MBD2: variants seen among roughly 807,000 people sequenced by gnomAD.
MBD2 encodes the protein methyl-CpG-binding domain protein 2.
In MBD2, 9 loss-of-function variants were observed where a neutral mutation model predicts 39.3. The ratio of observed to expected loss-of-function variants is 0.23; its 90% CI spans 0.14 to 0.40. The LOEUF (loss-of-function observed/expected upper bound fraction) is 0.40, where lower values mean the gene tolerates loss of function less well. Ranked by LOEUF, MBD2 falls within the 10% of genes least tolerant of loss-of-function variation. The pLI is 1.00. For missense variants in MBD2, 458 were observed against 532.6 expected, an observed-to-expected ratio of 0.86 and a Z score of 1.38; for synonymous variants, 233 against 211.1, an observed-to-expected ratio of 1.10 and a Z score of -0.90.
intron 5 of MBD2, among the ~76,000 whole-genome samples, chr18:54,160,827 G>T (rs62099766): frequency 0.014 from 2,184 of 151,900 alleles, 72 homozygotes; most frequent in Admixed American, 0.084. Flanking sequence ...AGATTCCAGT[G>T]GGAACAAGAA....
Position 54,224,177 on chromosome 18 carries a change from G to A in MBD2, c.383C>T (p.Pro128Leu). The A allele has an allele frequency of 7.5e-7, 1 of 1,336,566 alleles. No individual in the cohort carries two copies. Among genetic ancestry groups the A allele is most frequent in the Non-Finnish European group, 9.6e-7 (1 of 1,041,960 alleles). The allele number at this position is 1,336,566 out of a possible 1,614,324, so 82.8% of individuals were successfully genotyped here. The change falls in exon 1 of 7, where the codon CCT becomes CTT. Residue 128 changes from proline (P) to leucine (L), a missense_variant. This residue lies in a region of MBD2 where 269 missense variants were observed against 236.0 expected (regional missense o/e 1.14). Coordinates refer to ENST00000256429, the MANE Select transcript of MBD2 (RefSeq NM_003927.5). ...CGGCCCCGCGCTCCCCGACGGGAAA[G>A]GGACCGGCTCCCGCCGGGGGGCGCC... The part of the protein sequence containing the change: ...GGGAPRREPV[P>L]FPSGSAGPGP...
At chr18:54,197,984 A>T (rs2086379227) in intron 2 of MBD2, among the ~76,000 whole-genome samples, 1 of 152,206 alleles carries the variant, frequency 6.6e-6, no homozygotes. Flanking sequence ...AGACTTTAAT[A>T]ACTGACAAAA....
chr18:54,193,454 A>T (rs1391369587), intron 2 of MBD2, among the ~76,000 whole-genome samples: 1 of 152,172 alleles, frequency 6.6e-6, no homozygotes, highest in Non-Finnish European at 1.5e-5. Flanking sequence ...ACATTTTATA[A>T]TAATGTGTAT....
intron 3 of MBD2, among the ~76,000 whole-genome samples, chr18:54,183,686 T>G (rs1366479436): frequency 6.6e-6 from 1 of 152,182 alleles, no homozygotes; most frequent in African/African-American, 2.4e-5. Flanking sequence ...GTAAAGCAGA[T>G]AGTAAACACA....
At chr18:54,207,771 T>C (rs492726) in intron 1 of MBD2, among the ~76,000 whole-genome samples, 129,626 of 151,886 alleles carry the variant, frequency 0.85, 55,757 homozygotes, top group East Asian at 1. Flanking sequence ...GGCGCAGTGG[T>C]TCATGCCTGT....
intron 3 of MBD2, among the ~76,000 whole-genome samples, chr18:54,182,164 A>G (rs1568083866): frequency 6.6e-6 from 1 of 152,240 alleles, no homozygotes; most frequent in Non-Finnish European, 1.5e-5. Context: ...TAATTTTTGA[A>G]TGAATGAATA....
At chr18:54,213,891 T>A (rs1413994490) in intron 1 of MBD2, among the ~76,000 whole-genome samples, 1 of 152,140 alleles carries the variant, frequency 6.6e-6, no homozygotes, top group East Asian at 1.9e-4. Context: ...TACACATATA[T>A]CTTACATATA....
At chr18:54,175,552 C>A (rs2086206019) in intron 3 of MBD2, among the ~76,000 whole-genome samples, 2 of 152,184 alleles carry the variant, frequency 1.3e-5, no homozygotes, top group Admixed American at 1.3e-4. Flanking sequence ...GGGACTTCTT[C>A]TTTTAAGTGA....
chr18:54,186,932 C>A lies in MBD2; in HGVS notation c.840+1942G>T, dbSNP rs181375569. ...CACATACCTTTCATTTGAGAATAAT[C>A]TCATACACCATAATAAAAGAAGGAA... On this transcript the variant is annotated intron_variant, in intron 3 of 6. Coordinates refer to ENST00000256429, the MANE Select transcript of MBD2 (RefSeq NM_003927.5). Among the ~76,000 whole-genome samples the A allele has an allele frequency of 2.6e-4, 40 of 152,236 alleles. No homozygotes were observed. The Middle Eastern group carries it at 0.01, about 39-fold the overall frequency.
At position 54,155,135 on chromosome 18, in the gene MBD2, T is replaced by C. The variant is rs1352837295; in HGVS notation, c.*189A>G. On this transcript the variant is annotated 3_prime_UTR_variant, in exon 7 of 7. Coordinates refer to ENST00000256429, the MANE Select transcript of MBD2 (RefSeq NM_003927.5). ...TAAGTCCTAGGACTCAAAATAAACA[T>C]GATTTTTTGAATAATAGATATATAC... The C allele has an allele frequency of 6.6e-6, 1 of 152,568 alleles. No individual in the cohort carries two copies. The highest frequency in any genetic ancestry group is 2.4e-5 in the African/African-American group (1 of 41,438). The allele number at this position is 152,568 out of a possible 1,614,324, so 9.5% of individuals were successfully genotyped here.
At chr18:54,197,280 T>G (rs973999911) in intron 2 of MBD2, among the ~76,000 whole-genome samples, 1 of 152,222 alleles carries the variant, frequency 6.6e-6, no homozygotes, top group African/African-American at 2.4e-5. Context: ...TTTCCCCCTA[T>G]GTAAAACCCT....
intron 6 of MBD2, among the ~76,000 whole-genome samples, chr18:54,156,271 A>G (rs896566083): frequency 4.7e-4 from 72 of 152,354 alleles, no homozygotes; most frequent in African/African-American, 1.4e-3. Flanking sequence ...TCCGCAATCT[A>G]TAAGTCTAAT....
intron 6 of MBD2, among the ~76,000 whole-genome samples, chr18:54,155,760 C>T (rs1271520690): frequency 2.0e-5 from 3 of 152,154 alleles, no homozygotes; most frequent in Non-Finnish European, 4.4e-5. Context: ...ACAGATGACA[C>T]GTATGCATCG....
chr18:54,159,985 T>C, intron 5 of MBD2, 82 bp from the exon 6 acceptor site: 1 of 1,427,536 alleles, frequency 7.0e-7, no homozygotes, highest in South Asian at 1.3e-5. Flanking sequence ...TCATCCTTAC[T>C]TCAAAATAAT....
chr18:54,198,652 C>T (rs2086383634), intron 2 of MBD2, among the ~76,000 whole-genome samples: 1 of 152,164 alleles, frequency 6.6e-6, no homozygotes, highest in Admixed American at 6.5e-5. Flanking sequence ...GTCAAGGCTG[C>T]GTGAACTGTG....
At chr18:54,192,722 T>C (rs1027795893) in intron 2 of MBD2, among the ~76,000 whole-genome samples, 1 of 152,190 alleles carries the variant, frequency 6.6e-6, no homozygotes, top group Non-Finnish European at 1.5e-5. Context: ...CTATGAATCC[T>C]GAATCCATGA....
At chr18:54,185,355 A>G (rs910686560) in intron 3 of MBD2, among the ~76,000 whole-genome samples, 7 of 152,210 alleles carry the variant, frequency 4.6e-5, no homozygotes, top group Admixed American at 3.3e-4. Flanking sequence ...TGAATATTCT[A>G]TAAGAAATGA....
chr18:54,203,772 G>A (rs1296112101), intron 2 of MBD2, among the ~76,000 whole-genome samples: 1 of 152,168 alleles, frequency 6.6e-6, no homozygotes, highest in African/African-American at 2.4e-5. Context: ...TCCAATGCAG[G>A]CCACCAGGCA....
Position 54,189,559 on chromosome 18 carries a change from A to G in MBD2, c.703-548T>C, listed in dbSNP as rs562192372. 2.2e-4 allele frequency among the ~76,000 whole-genome samples: 34 copies of G among 152,216 alleles called. No homozygotes were observed. In the South Asian group the frequency reaches 6.9e-3, roughly 31 times the overall value. On this transcript the variant is annotated intron_variant, in intron 2 of 6. Coordinates refer to ENST00000256429, the MANE Select transcript of MBD2 (RefSeq NM_003927.5). ...ACTTTTAAGTGTAAGAAAATTCTCT[A>G]CATAAATTTCCTATCTGATCAGCAA... is the stretch of plus-strand genomic sequence containing the variant.
Sources: gnomAD v4.1 joint callset for allele counts (sites outside exome capture counted in the v4.1 genomes callset) on GRCh38, gnomAD v4.1.1 for gene constraint, gnomAD v4.1.1 regional missense constraint, MANE v1.5 for transcripts, NCBI Gene and HGNC (gene_info 2026-07-23, HGNC 2026-07-21) for gene names.